LPIN1: variants seen among roughly 807,000 people sequenced by gnomAD.
LPIN1 encodes the protein lipin 1.
A neutral mutation model predicts 107.5 loss-of-function variants in LPIN1; 71 were observed. The ratio of observed to expected loss-of-function variants is 0.66; its 90% confidence interval spans 0.55 to 0.80. The LOEUF (loss-of-function observed/expected upper bound fraction) is 0.80, where lower values mean the gene tolerates loss of function less well. Among genes scored for constraint, LPIN1 ranks in the 30% least tolerant of loss-of-function variants. The probability of loss-of-function intolerance (pLI) is 0.00; values close to 1 mark genes in which losing one functional copy is unlikely to be tolerated. For synonymous variants in LPIN1, 445 were observed against 452.6 expected, an observed-to-expected ratio of 0.98 and a Z score of 0.21; for missense variants, 1,043 against 1,160.6, an observed-to-expected ratio of 0.90 and a Z score of 1.47.
chr2:11,770,929 TACA>T (rs56843791), intron 3 of LPIN1, among the ~76,000 whole-genome samples: 9,409 of 150,940 alleles, frequency 0.062, 956 homozygotes, highest in African/African-American at 0.21. Context: ...ATATAAAAAA[TACA>T]CAATACACAT....
intron 1 of LPIN1, among the ~76,000 whole-genome samples, chr2:11,738,058 A>G (rs1665965030): frequency 6.6e-6 from 1 of 152,210 alleles, no homozygotes; most frequent in Non-Finnish European, 1.5e-5. Flanking sequence ...ATGCAGCCAT[A>G]AAAAAGATGA....
chr2:11,712,346 G>A (rs1360526571), intron 1 of LPIN1, among the ~76,000 whole-genome samples: 2 of 152,142 alleles, frequency 1.3e-5, no homozygotes, highest in East Asian at 3.8e-4. Context: ...CAGAAGGCAC[G>A]AACCTTCCCT....
intron 13 of LPIN1, among the ~76,000 whole-genome samples, chr2:11,794,718 C>A (rs563813285): frequency 6.6e-6 from 1 of 152,324 alleles, no homozygotes; most frequent in African/African-American, 2.4e-5. Context: ...GGGCCAGTGC[C>A]CATCTCCGTC....
intron 1 of LPIN1, among the ~76,000 whole-genome samples, chr2:11,705,098 T>G (rs950327409): frequency 1.3e-5 from 2 of 152,200 alleles, no homozygotes; most frequent in African/African-American, 4.8e-5. Context: ...TCTTTTTCAC[T>G]GGGAAAATTT....
chr2:11,694,892 C>T (rs530862613), intron 1 of LPIN1, among the ~76,000 whole-genome samples: 5 of 152,256 alleles, frequency 3.3e-5, no homozygotes, highest in East Asian at 1.9e-4. Context: ...GTATTACAGC[C>T]GAGGTTCTCT....
intron 1 of LPIN1, among the ~76,000 whole-genome samples, chr2:11,689,464 T>C (rs773102223): frequency 1.3e-5 from 2 of 152,258 alleles, no homozygotes; most frequent in Non-Finnish European, 2.9e-5. Context: ...CTTTTAAAAA[T>C]CTGACTGACT....
intron 1 of LPIN1, among the ~76,000 whole-genome samples, chr2:11,734,334 T>C (rs1010796648): frequency 6.6e-6 from 1 of 152,074 alleles, no homozygotes; most frequent in East Asian, 1.9e-4. Context: ...TGAGAACACA[T>C]AGGATGAGGG....
chr2:11,748,144 G>T (rs1464287127), intron 1 of LPIN1, among the ~76,000 whole-genome samples: 3 of 152,258 alleles, frequency 2.0e-5, no homozygotes, highest in Non-Finnish European at 4.4e-5. Context: ...GACCTTGGAA[G>T]TGACTGAGAA....
At chr2:11,791,785 A>C in intron 12 of LPIN1, 129 bp from the exon 13 acceptor site, 2 of 1,504,962 alleles carry the variant, frequency 1.3e-6, no homozygotes, top group Non-Finnish European at 8.9e-7. Flanking sequence ...ACGCACAAAT[A>C]GTATGTTGTG....
At chr2:11,734,040 G>C (rs576923562) in intron 1 of LPIN1, among the ~76,000 whole-genome samples, 54 of 152,062 alleles carry the variant, frequency 3.6e-4, no homozygotes, top group Non-Finnish European at 6.9e-4. Context: ...TCTTTCTCCC[G>C]TACCACACTT....
chr2:11,783,149 G>C (rs1673858167), intron 8 of LPIN1, among the ~76,000 whole-genome samples: 1 of 152,166 alleles, frequency 6.6e-6, no homozygotes, highest in Non-Finnish European at 1.5e-5. Context: ...TGGTTTTCTA[G>C]AATTATATGG....
intron 17 of LPIN1, 80 bp downstream of exon 17, chr2:11,805,236 C>A: frequency 2.6e-6 from 3 of 1,136,008 alleles, no homozygotes; most frequent in Non-Finnish European, 4.0e-6. Flanking sequence ...TCTTTCCTGT[C>A]CCAGCACGGG....
intron 1 of LPIN1, among the ~76,000 whole-genome samples, chr2:11,692,282 G>T (rs1428175300): frequency 6.9e-6 from 1 of 144,420 alleles, no homozygotes. Context: ...TTTCCTTCTT[G>T]CCTTGGCACA....
At chr2:11,685,293 G>C (rs1021195935) in intron 1 of LPIN1, among the ~76,000 whole-genome samples, 1 of 152,202 alleles carries the variant, frequency 6.6e-6, no homozygotes, top group Non-Finnish European at 1.5e-5. Context: ...GATGGTGTGA[G>C]AGCGGTGTGG....
intron 17 of LPIN1, among the ~76,000 whole-genome samples, chr2:11,812,421 A>G (rs1261270575): frequency 6.7e-6 from 1 of 150,332 alleles, no homozygotes; most frequent in Non-Finnish European, 1.5e-5. Context: ...GTGAGGAGTG[A>G]GGGGGTGTGT....
intron 11 of LPIN1, among the ~76,000 whole-genome samples, chr2:11,788,071 A>T (rs1375273002): frequency 1.3e-5 from 2 of 152,106 alleles, no homozygotes; most frequent in Non-Finnish European, 2.9e-5. Flanking sequence ...CTTTACCTTG[A>T]CACGTGGCAA....
rs78342416 is a variant in LPIN1 at position 11,684,350 on chromosome 2, A to T, written c.81+6622A>T. On this transcript the variant is annotated intron_variant, in intron 1 of 21. Coordinates refer to the LPIN1 transcript ENST00000449576. ...CACTGCAACCAGCTAATTTTTTTTT[A>T]AAGTTTTTGTAAAAACAAGGTTTCT... is the stretch of plus-strand genomic sequence containing the variant. 2.3e-4 allele frequency among the ~76,000 whole-genome samples: 33 copies of T among 141,230 alleles called. 1 individual carries two copies. The highest frequency in any genetic ancestry group is 3.6e-3 in the Middle Eastern group (1 of 280). The allele number at this position is 141,230 out of a possible 152,430, so 92.7% of individuals were successfully genotyped here.
chr2:11,713,807 A>G (rs1027314155), exon 2 of LPIN1: 6 of 1,520,708 alleles, frequency 3.9e-6, no homozygotes, highest in African/African-American at 1.4e-5. Context: ...GTCTTCAAAC[A>G]TTAACGTGAG....
rs144748378 is a variant in LPIN1, at chr2:11,791,850, G to A, written c.1714-64G>A. On this transcript the variant is annotated intron_variant, in intron 12 of 20. Transcript: ENST00000674199. The stretch of plus-strand genomic sequence containing the variant: ...TTAATTTGCATGTATGTTTCTTTTG[G>A]TTTGAATGTGCTAAGTTGATCTTTT... 2.8e-4 allele frequency: 447 copies of A among 1,586,554 alleles called. No homozygotes were observed. The African/African-American group carries it at 5.6e-3, about 20-fold the overall frequency.
Sources: allele counts gnomAD v4.1 joint callset (sites outside exome capture counted in the v4.1 genomes callset), GRCh38; gene constraint gnomAD v4.1.1; transcripts MANE v1.5; gene names NCBI Gene and HGNC (gene_info 2026-07-23, HGNC 2026-07-21).